The following PSMF1 variants were observed in gnomAD, a reference collection of about 807,000 sequenced individuals.
PSMF1 encodes proteasome inhibitor subunit 1, also known as proteasome inhibitor PI31 subunit.
PSMF1 carries 30 observed loss-of-function variants against 29.3 expected under a neutral mutation model. That is an observed-to-expected ratio of 1.02 (90% confidence interval 0.77 to 1.39). The LOEUF is 1.39. Ranked by LOEUF, PSMF1 falls within the 40% of genes most tolerant of loss-of-function variation. The pLI, the probability that PSMF1 is intolerant of heterozygous loss-of-function variation, is 0.00. For synonymous variants in PSMF1, 134 were observed against 139.7 expected (o/e 0.96, Z 0.29); for missense variants, 344 against 357.5 (o/e 0.96, Z 0.31).
intron 4 of PSMF1, among the ~76,000 whole-genome samples, chr20:1,145,149 G>GGGCT (rs1872894395): frequency 6.6e-6 from 1 of 152,186 alleles, no homozygotes; most frequent in African/African-American, 2.4e-5. Context: ...GCCTCTCAAA[G>GGGCT]GGCTGGGATC....
intron 2 of PSMF1, chr20:1,125,924 A>G: frequency 1.7e-6 from 1 of 582,752 alleles, no homozygotes; most frequent in Non-Finnish European, 3.3e-6. Flanking sequence ...GATAGAAGGG[A>G]AAAACTTAGG....
In PSMF1 at chr20:1,163,547, A is replaced by G. The variant is rs567389667; in HGVS notation, c.605+364A>G. Among the ~76,000 whole-genome samples, 8 of 152,360 alleles carry G rather than the reference A, an allele frequency of 5.3e-5. No homozygotes were observed. Among genetic ancestry groups the G allele is most frequent in the African/African-American group, 1.9e-4 (8 of 41,592 alleles). On this transcript the variant is annotated intron_variant, in intron 5 of 6. Coordinates refer to ENST00000335877, the MANE Select transcript of PSMF1 (RefSeq NM_006814.5). The surrounding 1 kb of genome is among the most constrained non-coding windows in gnomAD (Gnocchi z 6.1). ...TTAATAAAGGGAGTCTCTGAGCCCCATTAGACTCTGGATGGTTCTTATGCA... is the reference window on the plus strand; with the variant it reads ...TTAATAAAGGGAGTCTCTGAGCCCCGTTAGACTCTGGATGGTTCTTATGCA...
In PSMF1 at chr20:1,143,907, A is replaced by G. The variant is rs1449993977; in HGVS notation, c.551+8601A>G. Among the ~76,000 whole-genome samples, 9 of 152,148 alleles carry G rather than the reference A, an allele frequency of 5.9e-5. No individual in the cohort carries two copies. In the South Asian group the frequency reaches 8.3e-4, roughly 14 times the overall value. ...GGAATTCGAGATCAGCCTGGCCAAC[A>G]TGGTGAAACCGTGTCTCTTCAAAAA... On this transcript the variant is annotated intron_variant, in intron 4 of 6. Transcript: ENST00000335877.
chr20:1,115,282 G>T (rs1382018139), upstream of PSMF1, among the ~76,000 whole-genome samples: 3 of 109,708 alleles, frequency 2.7e-5, no homozygotes, highest in East Asian at 7.7e-4. Flanking sequence ...CAAGGGGTGG[G>T]GGTGACGGAG....
intron 3 of PSMF1, among the ~76,000 whole-genome samples, chr20:1,130,385 A>G (rs1204110981): frequency 3.3e-5 from 5 of 152,230 alleles, no homozygotes; most frequent in African/African-American, 1.2e-4. Flanking sequence ...GATAAAGAGC[A>G]CAATCCTTGA....
Position 1,164,207 on chromosome 20 carries a change from C to A in PSMF1, c.606-111C>A. 1.7e-6 allele frequency: 2 copies of A among 1,146,958 alleles called. No homozygotes were observed. The highest frequency in any genetic ancestry group is 1.4e-5 in the South Asian group (1 of 73,386). The allele number at this position is 1,146,958 out of a possible 1,614,324, so 71.0% of individuals were successfully genotyped here. A position where few individuals can be genotyped will look rare whatever the true frequency, so the allele number is the denominator to read the frequency against. On this transcript the variant is annotated intron_variant, in intron 5 of 6. Coordinates refer to ENST00000335877, the MANE Select transcript of PSMF1 (RefSeq NM_006814.5). This position sits in a 1 kb window ranked among gnomAD's most constrained non-coding sequence, Gnocchi z 4.1. Reference sequence around the variant, plus strand: ...GCAGCCATCCACATGTCTGCTTGGGCCATCCAGAGTAGACATCCCAGCCAT... The same window carrying A: ...GCAGCCATCCACATGTCTGCTTGGGACATCCAGAGTAGACATCCCAGCCAT...
chr20:1,172,025 T>C lies in PSMF1; in HGVS notation c.*6945T>C, dbSNP rs2086795427. 6.6e-6 allele frequency among the ~76,000 whole-genome samples: 1 copy of C among 152,152 alleles called. No homozygotes were observed. Reference sequence around the variant, plus strand: ...AAATGTAGATAAGGATGGACCCACCTCCCCAAGATCCTGCCTATCTGTGAG... The same window carrying C: ...AAATGTAGATAAGGATGGACCCACCCCCCCAAGATCCTGCCTATCTGTGAG... On this transcript the variant is annotated 3_prime_UTR_variant, in exon 7 of 7. Transcript: ENST00000335877.
intron 4 of PSMF1, chr20:1,161,533 TGCCAGCACAAGGAAGATCAA>T (rs1287632086): frequency 1.7e-6 from 1 of 576,654 alleles, no homozygotes; most frequent in Admixed American, 2.4e-5. Context: ...ACTGCCCTGG[TGCCAGCACAAGGAAGATCAA>T]GATCATCGTG....
At chr20:1,116,174 A>G (rs1157185269), upstream of PSMF1, among the ~76,000 whole-genome samples, 3 of 152,140 alleles carry the variant, frequency 2.0e-5, no homozygotes, top group African/African-American at 7.2e-5. Flanking sequence ...ACTATGGTTC[A>G]TGGCAGCCCA....
At chr20:1,122,646 G>A (rs536537959) in intron 1 of PSMF1, among the ~76,000 whole-genome samples, 5 of 152,308 alleles carry the variant, frequency 3.3e-5, no homozygotes, top group African/African-American at 1.2e-4. Flanking sequence ...ACGTGACTGT[G>A]TACTTAGGCT....
At chr20:1,150,401 C>T (rs906584716) in intron 4 of PSMF1, among the ~76,000 whole-genome samples, 1 of 151,990 alleles carries the variant, frequency 6.6e-6, no homozygotes, top group African/African-American at 2.4e-5. Context: ...ATCAGCAGTT[C>T]CACCCACTGT....
Position 1,165,139 on chromosome 20 carries a change from G to A in PSMF1, c.*59G>A. On this transcript the variant is annotated 3_prime_UTR_variant, in exon 7 of 7. Transcript: ENST00000335877. Reference sequence around the variant, plus strand: ...CCATTCTCCTGGAGCTGCCACCGCTGTCCCCATCAGCAACCATGTTCTTGC... The same window carrying A: ...CCATTCTCCTGGAGCTGCCACCGCTATCCCCATCAGCAACCATGTTCTTGC... The A allele has an allele frequency of 6.2e-7, 1 of 1,613,450 alleles. No individual in the cohort carries two copies.
chr20:1,127,504 C>T lies in PSMF1; in HGVS notation c.361C>T (p.His121Tyr). 2 of 1,588,132 alleles carry T rather than the reference C, an allele frequency of 1.3e-6. No individual in the cohort carries two copies. The highest frequency in any genetic ancestry group is 1.7e-6 in the Non-Finnish European group (2 of 1,156,240). The change falls in exon 3 of 7, where the codon CAC becomes TAC. Residue 121 changes from histidine to tyrosine, a missense_variant. Physicochemically the swap from His to Tyr is moderately conservative, Grantham distance 83. Transcript: ENST00000335877. ...CGATGCAGAACACCTGGGTGACTTC[C>T]ACAGGTACTTCTAAATGATGTCTCT... Reference protein sequence around the residue: ...YIDAEHLGDFHRTYKNSEELR... With the variant: ...YIDAEHLGDFYRTYKNSEELR...
intron 4 of PSMF1, among the ~76,000 whole-genome samples, chr20:1,141,465 C>G (rs2086379143): frequency 6.6e-6 from 1 of 152,096 alleles, no homozygotes; most frequent in Admixed American, 6.5e-5. Flanking sequence ...AATAACTGCC[C>G]ATGACTGGGG....
chr20:1,116,104 C>A (rs989450969), upstream of PSMF1, among the ~76,000 whole-genome samples: 3 of 151,626 alleles, frequency 2.0e-5, no homozygotes, highest in Non-Finnish European at 4.4e-5. Flanking sequence ...TGTGTCTGGC[C>A]CACAGTAGGC....
At chr20:1,127,054 A>G (rs1480615985) in intron 2 of PSMF1, among the ~76,000 whole-genome samples, 2 of 152,196 alleles carry the variant, frequency 1.3e-5, no homozygotes, top group East Asian at 3.9e-4. Flanking sequence ...TAAGCTGCTG[A>G]TGTGACCCCC....
At chr20:1,138,652 T>C (rs2086340270) in intron 4 of PSMF1, among the ~76,000 whole-genome samples, 2 of 152,120 alleles carry the variant, frequency 1.3e-5, no homozygotes, top group South Asian at 4.2e-4. Context: ...AGTGAGACCC[T>C]GTCTTTACAA....
intron 4 of PSMF1, among the ~76,000 whole-genome samples, chr20:1,141,899 A>G (rs2086385203): frequency 6.6e-6 from 1 of 152,232 alleles, no homozygotes; most frequent in Admixed American, 6.5e-5. Flanking sequence ...AATTTAAAAT[A>G]CAGTACTGTT....
At chr20:1,132,752 T>G (rs2086246696) in intron 3 of PSMF1, among the ~76,000 whole-genome samples, 1 of 152,182 alleles carries the variant, frequency 6.6e-6, no homozygotes, top group African/African-American at 2.4e-5. Flanking sequence ...TTTATTTGAT[T>G]TCCATCAGTA....
Sources: allele counts gnomAD v4.1 joint callset (sites outside exome capture counted in the v4.1 genomes callset), GRCh38; gene constraint gnomAD v4.1.1; non-coding constraint Gnocchi (gnomAD v3.1); transcripts MANE v1.5; gene names NCBI Gene and HGNC (gene_info 2026-07-23, HGNC 2026-07-21).